The following BCAR1 variants were observed in gnomAD, a reference collection of about 807,000 sequenced individuals.
The protein encoded by BCAR1 is BCAR1 scaffold protein, Cas family member.
A neutral mutation model predicts 67.6 loss-of-function variants in BCAR1; 30 were observed. That is an observed-to-expected ratio of 0.44 (90% CI 0.33 to 0.60). The LOEUF (loss-of-function observed/expected upper bound fraction) is 0.60. Among genes scored for constraint, BCAR1 ranks in the 20% least tolerant of loss-of-function variants. The pLI is 0.02. For synonymous variants in BCAR1, 626 were observed against 556.7 expected (o/e 1.12, Z -1.75); for missense variants, 1,313 against 1,222.3 (o/e 1.07, Z -1.11).
intron 1 of BCAR1, chr16:75,250,096 A>AT (rs1246121597): frequency 6.6e-6 from 1 of 152,432 alleles, no homozygotes; most frequent in African/African-American, 2.4e-5. Context: ...ACCAGTACAC[A>AT]GTGCTCACCC....
At chr16:75,265,401 T>A (rs2077985427) in intron 1 of BCAR1, among the ~76,000 whole-genome samples, 1 of 151,906 alleles carries the variant, frequency 6.6e-6, no homozygotes. Flanking sequence ...CACCCCCTCA[T>A]CCGGCCCAGC....
intron 6 of BCAR1, among the ~76,000 whole-genome samples, chr16:75,232,308 G>A (rs1251865272): frequency 6.6e-6 from 1 of 152,040 alleles, no homozygotes; most frequent in East Asian, 1.9e-4. Flanking sequence ...CTACAGGCGT[G>A]TGCCACTATG....
At chr16:75,251,785 G>GCCCCGCCCCCCA, upstream of BCAR1, 2 of 428,716 alleles carry the variant, frequency 4.7e-6, no homozygotes, top group African/African-American at 4.5e-5. Flanking sequence ...GCCGCCCCCC[G>GCCCCGCCCCCCA]CCCCGCCCCC....
intron 2 of BCAR1, chr16:75,238,066 C>A (rs1316262734): frequency 1.6e-6 from 2 of 1,288,856 alleles, no homozygotes; most frequent in Non-Finnish European, 2.0e-6. Context: ...CCAGGGCCAG[C>A]CCTCCCCTCC....
chr16:75,240,922 G>C (rs1485292506), intron 2 of BCAR1, among the ~76,000 whole-genome samples: 1 of 152,272 alleles, frequency 6.6e-6, no homozygotes, highest in African/African-American at 2.4e-5. Context: ...ACAGCCTCGA[G>C]GCCGGGCTCT....
At chr16:75,239,527 A>C (rs891224981) in intron 2 of BCAR1, among the ~76,000 whole-genome samples, 2 of 152,156 alleles carry the variant, frequency 1.3e-5, no homozygotes, top group African/African-American at 2.4e-5. Context: ...GAGGAAGGGG[A>C]CAAAGTGGGC....
At position 75,229,182 on chromosome 16, in the gene BCAR1, T is replaced by C. The variant is rs1269670087; in HGVS notation, c.*329A>G. On this transcript the variant is annotated 3_prime_UTR_variant, in exon 7 of 7. Transcript: ENST00000162330. ...CCTGTCAGGGGACACGGCACCCTCG[T>C]GGGACCAGGCTCAGCCCTCGGGGTG... 1 of 291,930 alleles carries C rather than the reference T, an allele frequency of 3.4e-6. No homozygotes were observed. Among genetic ancestry groups the C allele is most frequent in the East Asian group, 5.9e-5 (1 of 16,924 alleles). The allele number at this position is 291,930 out of a possible 1,614,324, so 18.1% of individuals were successfully genotyped here.
At chr16:75,237,673 T>G (rs2077189188) in intron 2 of BCAR1, among the ~76,000 whole-genome samples, 1 of 152,182 alleles carries the variant, frequency 6.6e-6, no homozygotes. Flanking sequence ...GGTGAGGGGC[T>G]GAGGCCCTGG....
chr16:75,238,903 G>C (rs2077237252), intron 2 of BCAR1: 1 of 985,302 alleles, frequency 1.0e-6, no homozygotes, highest in Non-Finnish European at 1.2e-6. Context: ...GGCAGGTGGG[G>C]ACCCAGCCTC....
chr16:75,251,452 C>G lies in BCAR1; in HGVS notation c.12+19G>C, dbSNP rs1194183687. On this transcript the variant is annotated intron_variant, in intron 1 of 6. Transcript: ENST00000162330. Reference sequence around the variant, plus strand: ...GCCTCCAAGCCCGTACGCGGCCCGGCCCCACCTGGCGCCCTCACCAGGTGG... The same window carrying G: ...GCCTCCAAGCCCGTACGCGGCCCGGGCCCACCTGGCGCCCTCACCAGGTGG... 1.4e-6 allele frequency: 2 copies of G among 1,458,516 alleles called. No individual in the cohort carries two copies. Among genetic ancestry groups the G allele is most frequent in the Non-Finnish European group, 1.8e-6 (2 of 1,105,318 alleles). The allele number at this position is 1,458,516 out of a possible 1,614,324, so 90.3% of individuals were successfully genotyped here.
intron 5 of BCAR1, among the ~76,000 whole-genome samples, chr16:75,234,351 C>T (rs558872380): frequency 6.6e-6 from 1 of 152,288 alleles, no homozygotes; most frequent in East Asian, 1.9e-4. Context: ...GTGGGGTACC[C>T]GCAGAAAGTC....
At chr16:75,254,912 T>G (rs1273367090), upstream of BCAR1, among the ~76,000 whole-genome samples, 1 of 152,204 alleles carries the variant, frequency 6.6e-6, no homozygotes, top group Admixed American at 6.5e-5. Context: ...AAGATAAGCC[T>G]GGGATAGGGT....
chr16:75,243,862 A>C (rs1348468699), intron 1 of BCAR1, among the ~76,000 whole-genome samples: 1 of 152,004 alleles, frequency 6.6e-6, no homozygotes, highest in African/African-American at 2.4e-5. Context: ...CCCACCACAC[A>C]CTCATGCATC....
At chr16:75,260,796 T>A (rs1182861162) in intron 1 of BCAR1, among the ~76,000 whole-genome samples, 1 of 152,200 alleles carries the variant, frequency 6.6e-6, no homozygotes, top group Non-Finnish European at 1.5e-5. Context: ...ACTGCAAGCC[T>A]AAACCCACCA....
chr16:75,232,693 C>G (rs2076942460), intron 6 of BCAR1, among the ~76,000 whole-genome samples: 1 of 152,198 alleles, frequency 6.6e-6, no homozygotes, highest in Admixed American at 6.5e-5. Context: ...CCACCCCCTG[C>G]CACCCTGCCA....
chr16:75,248,295 G>A, intron 1 of BCAR1: 1 of 1,409,890 alleles, frequency 7.1e-7, no homozygotes, highest in South Asian at 1.5e-5. Flanking sequence ...CCAGCACAGA[G>A]CCTCGCACAT....
intron 6 of BCAR1, 92 bp downstream of exon 6, chr16:75,233,754 C>T: frequency 7.5e-7 from 1 of 1,332,288 alleles, no homozygotes; most frequent in Non-Finnish European, 1.0e-6. Flanking sequence ...ACATGAGAAG[C>T]TGGGGACCCG....
At chr16:75,266,812 G>T (rs749047558) in intron 1 of BCAR1, 1 of 1,363,050 alleles carries the variant, frequency 7.3e-7, no homozygotes, top group Non-Finnish European at 9.6e-7. Flanking sequence ...CCAGAGCACT[G>T]TCCCGGAGGT....
chr16:75,267,970 G>C (rs778702625), exon 1 of BCAR1: 31 of 1,596,642 alleles, frequency 1.9e-5, no homozygotes, highest in South Asian at 4.6e-5. Flanking sequence ...AGCCTCACCA[G>C]GGCAGTGCAT....
Sources: gnomAD v4.1 joint callset for allele counts (sites outside exome capture counted in the v4.1 genomes callset) on GRCh38, gnomAD v4.1.1 for gene constraint, MANE v1.5 for transcripts, NCBI Gene and HGNC (gene_info 2026-07-23, HGNC 2026-07-21) for gene names.